The following ADD3 variants were observed in gnomAD, a reference collection of about 807,000 sequenced individuals.
ADD3 encodes adducin 3.
Under a neutral mutation model 80.2 loss-of-function variants are expected in ADD3, and 25 were observed. That is an observed-to-expected ratio of 0.31 (90% CI 0.23 to 0.44). The LOEUF is 0.44. Ranked by LOEUF, ADD3 falls within the 20% of genes least tolerant of loss-of-function variation. The pLI is 1.00. For missense variants in ADD3, 829 were observed against 847.5 expected (o/e 0.98, Z 0.27); for synonymous variants, 284 against 289.6 (o/e 0.98, Z 0.20).
intron 1 of ADD3, among the ~76,000 whole-genome samples, chr10:110,088,577 C>G (rs1028179562): frequency 1.3e-5 from 2 of 152,188 alleles, no homozygotes; most frequent in East Asian, 1.9e-4. Context: ...GCAGAAACTC[C>G]TCCTTCAAAT....
upstream of ADD3, among the ~76,000 whole-genome samples, chr10:110,007,794 C>T (rs1851785208): frequency 6.6e-6 from 1 of 150,480 alleles, no homozygotes; most frequent in Non-Finnish European, 1.5e-5. Flanking sequence ...GAGCTCGGGG[C>T]TGCCAGAGGC....
At chr10:110,042,791 A>G (rs191482728) in intron 1 of ADD3, among the ~76,000 whole-genome samples, 23 of 151,276 alleles carry the variant, frequency 1.5e-4, no homozygotes, top group African/African-American at 5.6e-4. Flanking sequence ...TCTATCATCC[A>G]GTTATTTCAT....
At chr10:110,072,981 C>T (rs952076266) in intron 1 of ADD3, among the ~76,000 whole-genome samples, 1 of 152,088 alleles carries the variant, frequency 6.6e-6, no homozygotes, top group Non-Finnish European at 1.5e-5. Context: ...TCAGCTGAAT[C>T]CCACAACTGA....
chr10:110,116,790 A>T (rs1229876672), intron 4 of ADD3, among the ~76,000 whole-genome samples: 4 of 152,198 alleles, frequency 2.6e-5, no homozygotes, highest in Non-Finnish European at 4.4e-5. Context: ...CTTTATTTTT[A>T]AAATATATTC....
chr10:110,103,183 G>A (rs1849026458), intron 2 of ADD3, among the ~76,000 whole-genome samples: 1 of 152,120 alleles, frequency 6.6e-6, no homozygotes, highest in East Asian at 1.9e-4. Context: ...TTCTTTTAAT[G>A]CAACAGAAAC....
intron 2 of ADD3, among the ~76,000 whole-genome samples, chr10:110,102,512 C>T (rs145067894): frequency 1.2e-3 from 180 of 152,160 alleles, no homozygotes; most frequent in African/African-American, 4.1e-3. Context: ...GAGGCTGAGT[C>T]GAAAGGATTA....
intron 2 of ADD3, among the ~76,000 whole-genome samples, chr10:110,102,309 A>C (rs1449216349): frequency 6.6e-6 from 1 of 152,180 alleles, no homozygotes; most frequent in Admixed American, 6.5e-5. Flanking sequence ...CCCATTTTTA[A>C]GAACTAACTT....
intron 1 of ADD3, among the ~76,000 whole-genome samples, chr10:110,060,554 C>A (rs1858757966): frequency 3.3e-5 from 5 of 152,160 alleles, no homozygotes; most frequent in Admixed American, 3.3e-4. Flanking sequence ...TCTAACCATT[C>A]CACCATTTTA....
chr10:110,079,447 AGAGAGAGAGAGAGAGTGTGT>A (rs1195542235), intron 1 of ADD3: 102 of 135,144 alleles, frequency 7.5e-4, no homozygotes, highest in African/African-American at 2.8e-3. Context: ...AGAGAGAGAG[AGAGAGAGAGAGAGAGTGTGT>A]GTGTGTGTGT....
At chr10:110,068,824 C>A (rs1844311525) in intron 1 of ADD3, among the ~76,000 whole-genome samples, 1 of 152,150 alleles carries the variant, frequency 6.6e-6, no homozygotes, top group Non-Finnish European at 1.5e-5. Context: ...TTCCTGTAAT[C>A]CCAGCACTTT....
rs138797721 is a variant in ADD3, at chr10:110,124,124, C to T, written c.1251C>T (p.Asp417=). Residue 417 remains aspartate, a synonymous_variant, in exon 10 of 15, where the codon GAC becomes GAT. Coordinates refer to ENST00000356080, the MANE Select transcript of ADD3 (RefSeq NM_016824.5). ...CTGTGACTGCTTTTTCCTTTGAAGA[C>T]GATACAGTGCCACTCTCTCCTCTCA... ...PATVTAFSFE[D]DTVPLSPLKY... 1.9e-5 allele frequency: 30 copies of T among 1,613,962 alleles called. No individual in the cohort carries two copies. Among genetic ancestry groups the T allele is most frequent in the African/African-American group, 6.7e-5 (5 of 74,876 alleles).
intron 1 of ADD3, among the ~76,000 whole-genome samples, chr10:110,046,334 A>G (rs938693098): frequency 6.6e-6 from 1 of 152,138 alleles, no homozygotes; most frequent in African/African-American, 2.4e-5. Flanking sequence ...TATATAACAT[A>G]CATAATCAAC....
In ADD3 at chr10:110,100,786, C is replaced by G. The variant is rs766867209; in HGVS notation, c.133C>G (p.Leu45Val). 9 of 1,613,368 alleles carry G rather than the reference C, an allele frequency of 5.6e-6. No individual in the cohort carries two copies. Among genetic ancestry groups the G allele is most frequent in the Non-Finnish European group, 7.6e-6 (9 of 1,179,762 alleles). The change falls in exon 2 of 15, where the codon CTA becomes GTA. Residue 45 changes from leucine to valine, a missense_variant. Coordinates refer to ENST00000356080, the MANE Select transcript of ADD3 (RefSeq NM_016824.5). ...YIRERNMSPD[L>V]RQDFNMMEQR... Reference sequence around the variant, plus strand: ...TAGGGAGAGGAACATGTCTCCTGATCTACGACAAGACTTCAACATGATGGA... The same window carrying G: ...TAGGGAGAGGAACATGTCTCCTGATGTACGACAAGACTTCAACATGATGGA...
chr10:110,055,349 C>T (rs1317460576), intron 1 of ADD3, among the ~76,000 whole-genome samples: 3 of 152,104 alleles, frequency 2.0e-5, no homozygotes, highest in Non-Finnish European at 4.4e-5. Context: ...AAATATTACA[C>T]GTGGTACTTC....
intron 1 of ADD3, among the ~76,000 whole-genome samples, chr10:110,033,427 A>G (rs1229704801): frequency 1.3e-5 from 2 of 152,202 alleles, no homozygotes; most frequent in African/African-American, 2.4e-5. Context: ...TCGCCATACA[A>G]TTGTTTGGTT....
chr10:110,015,475 A>G (rs1852859475), intron 1 of ADD3, among the ~76,000 whole-genome samples: 1 of 150,318 alleles, frequency 6.7e-6, no homozygotes, highest in Middle Eastern at 3.4e-3. Flanking sequence ...TCCTGGGTTC[A>G]TGCCATTCTC....
chr10:110,096,581 G>A (rs562909150), intron 1 of ADD3, among the ~76,000 whole-genome samples: 2 of 152,204 alleles, frequency 1.3e-5, no homozygotes, highest in South Asian at 2.1e-4. Flanking sequence ...TTCATGTTGC[G>A]ATAGTTAGCT....
chr10:110,071,365 G>A (rs1338505692), intron 1 of ADD3, among the ~76,000 whole-genome samples: 1 of 152,110 alleles, frequency 6.6e-6, no homozygotes, highest in African/African-American at 2.4e-5. Flanking sequence ...CAACAGTAAT[G>A]TATACTTAAA....
chr10:110,102,035 A>G (rs1848869294), intron 2 of ADD3, among the ~76,000 whole-genome samples: 1 of 152,188 alleles, frequency 6.6e-6, no homozygotes, highest in Admixed American at 6.5e-5. Context: ...CTCTTAAGTA[A>G]TTAATTCTCC....
Sources: gnomAD v4.1 joint callset for allele counts (sites outside exome capture counted in the v4.1 genomes callset) on GRCh38, gnomAD v4.1.1 for gene constraint, MANE v1.5 for transcripts, NCBI Gene and HGNC (gene_info 2026-07-23, HGNC 2026-07-21) for gene names.